CDH13: variants seen among roughly 807,000 people sequenced by gnomAD.
The protein encoded by CDH13 is cadherin-13.
In CDH13, 24 loss-of-function variants were observed where a neutral mutation model predicts 63.8. That is an observed-to-expected ratio of 0.38 (90% CI 0.27 to 0.53). CDH13 has a LOEUF of 0.53. Among genes scored for constraint, CDH13 ranks in the 20% least tolerant of loss-of-function variants. The pLI, the probability that CDH13 is intolerant of heterozygous loss-of-function variation, is 0.85. For missense variants in CDH13, 1,049 were observed against 903.1 expected (o/e 1.16, Z -2.07); for synonymous variants, 503 against 355.3 (o/e 1.42, Z -4.67).
At chr16:83,205,666 G>A (rs1012005643) in intron 4 of CDH13, among the ~76,000 whole-genome samples, 80 of 148,442 alleles carry the variant, frequency 5.4e-4, no homozygotes, top group Non-Finnish European at 1.1e-3. Context: ...GTGCAGTGAC[G>A]TGATCTTGGC....
In CDH13 at chr16:83,797,151, GAACA is replaced by G. The variant is rs1474807001; in HGVS notation, c.*2128_*2131del. 4 of 152,248 alleles carry G rather than the reference GAACA, an allele frequency of 2.6e-5. No individual in the cohort carries two copies. Among genetic ancestry groups the G allele is most frequent in the East Asian group, 3.9e-4 (2 of 5,194 alleles). 9.4% of individuals were successfully genotyped at this position (152,248 alleles called of 1,614,324 possible). A position where few individuals can be genotyped will look rare whatever the true frequency, so the allele number is the denominator to read the frequency against. ...AGGCAGGGGGAGAACGTTCATCCTT[GAACA>G]AACAAAGAGCATCCTCAGCCAGTCA... On this transcript the variant is annotated 3_prime_UTR_variant, in exon 14 of 14. Transcript: ENST00000567109.
intron 1 of CDH13, among the ~76,000 whole-genome samples, chr16:82,701,320 C>G (rs80013758): frequency 6.6e-6 from 1 of 152,204 alleles, no homozygotes; most frequent in East Asian, 1.9e-4. Context: ...ATCTCTTTTT[C>G]CATCCAACTT....
intron 4 of CDH13, among the ~76,000 whole-genome samples, chr16:83,207,514 T>A (rs1167908663): frequency 6.6e-6 from 1 of 152,236 alleles, no homozygotes; most frequent in African/African-American, 2.4e-5. Context: ...TACACTTTTT[T>A]AAATCCATTC....
At chr16:83,680,577 C>T (rs1432878971) in intron 10 of CDH13, among the ~76,000 whole-genome samples, 1 of 152,110 alleles carries the variant, frequency 6.6e-6, no homozygotes. Context: ...TATTAAACAG[C>T]ACAGGCAGAT....
intron 2 of CDH13, among the ~76,000 whole-genome samples, chr16:82,873,521 C>T (rs894564838): frequency 2.6e-5 from 4 of 152,180 alleles, no homozygotes; most frequent in Non-Finnish European, 5.9e-5. Flanking sequence ...GGTGTGGGCT[C>T]CTAGGTTATA....
chr16:82,796,425 T>C (rs1017686569), intron 1 of CDH13, among the ~76,000 whole-genome samples: 1 of 152,220 alleles, frequency 6.6e-6, no homozygotes, highest in Admixed American at 6.5e-5. Flanking sequence ...AACTACCAGA[T>C]ACTGAATTCC....
intron 10 of CDH13, among the ~76,000 whole-genome samples, chr16:83,681,865 C>A (rs1225779573): frequency 6.7e-6 from 1 of 149,622 alleles, no homozygotes. Flanking sequence ...CAGACAGATG[C>A]AACGGCCTTC....
intron 7 of CDH13, among the ~76,000 whole-genome samples, chr16:83,516,496 A>G (rs1567729476): frequency 6.6e-6 from 1 of 152,240 alleles, no homozygotes; most frequent in Non-Finnish European, 1.5e-5. Context: ...TGTTACAGAA[A>G]GCAATTTGTG....
At chr16:83,703,469 C>T (rs1459322770) in intron 10 of CDH13, among the ~76,000 whole-genome samples, 27 of 152,158 alleles carry the variant, frequency 1.8e-4, no homozygotes, top group Admixed American at 1.8e-3. Context: ...TTTTTGAAGC[C>T]AGGAGAAATT....
intron 2 of CDH13, among the ~76,000 whole-genome samples, chr16:82,880,701 C>G (rs1451941691): frequency 6.6e-6 from 1 of 152,132 alleles, no homozygotes; most frequent in Non-Finnish European, 1.5e-5. Context: ...TAAATTAATA[C>G]CCTTTCTATT....
intron 5 of CDH13, among the ~76,000 whole-genome samples, chr16:83,336,696 A>G (rs926004843): frequency 6.6e-6 from 1 of 152,230 alleles, no homozygotes; most frequent in African/African-American, 2.4e-5. Context: ...TTTTGCCCAA[A>G]GAAGAATCAT....
intron 4 of CDH13, among the ~76,000 whole-genome samples, chr16:83,174,576 C>T (rs565095374): frequency 6.6e-6 from 1 of 151,994 alleles, no homozygotes; most frequent in Non-Finnish European, 1.5e-5. Context: ...CCTGCACTGT[C>T]CAGTTAGGTA....
chr16:83,087,992 C>G lies in CDH13; in HGVS notation c.367-37393C>G, dbSNP rs116266696. 4.3e-3 allele frequency among the ~76,000 whole-genome samples: 655 copies of G among 152,282 alleles called. 3 individuals are homozygous for G. Among genetic ancestry groups the G allele is most frequent in the African/African-American group, 0.015 (631 of 41,548 alleles). ...GGGACTGCCTCCGTCAGTGTGCAGC[C>G]TTCAGCGGCTACATTTGGAAATGGT... On this transcript the variant is annotated intron_variant, in intron 3 of 13. Coordinates refer to ENST00000567109, the MANE Select transcript of CDH13 (RefSeq NM_001257.5).
intron 7 of CDH13, among the ~76,000 whole-genome samples, chr16:83,514,251 C>A (rs893422388): frequency 1.1e-4 from 16 of 152,312 alleles, no homozygotes; most frequent in Admixed American, 8.5e-4. Context: ...CATGTCTACC[C>A]AGAACCTCAG....
chr16:83,300,066 T>A (rs1189300152), intron 5 of CDH13, among the ~76,000 whole-genome samples: 2 of 152,226 alleles, frequency 1.3e-5, no homozygotes, highest in African/African-American at 4.8e-5. Context: ...TTCTGTTCAT[T>A]AGATGCAAGT....
chr16:83,716,306 C>A (rs1457891148), intron 10 of CDH13, among the ~76,000 whole-genome samples: 2 of 152,082 alleles, frequency 1.3e-5, no homozygotes, highest in African/African-American at 4.8e-5. Flanking sequence ...AATTAGGGTT[C>A]CCTTTTGGTG....
chr16:83,494,695 C>T (rs1318382698), intron 7 of CDH13, among the ~76,000 whole-genome samples: 2 of 152,192 alleles, frequency 1.3e-5, no homozygotes, highest in African/African-American at 4.8e-5. Flanking sequence ...GAGAGGCAAT[C>T]AAAAGCTGCA....
chr16:83,019,401 A>G lies in CDH13; in HGVS notation c.158-12609A>G, dbSNP rs4353469. 1.9e-3 allele frequency among the ~76,000 whole-genome samples: 290 copies of G among 152,104 alleles called. 1 individual carries two copies. The highest frequency in any genetic ancestry group is 0.017 in the Middle Eastern group (5 of 292). Reference sequence around the variant, plus strand: ...TCTCACTGAAAGGTCTTTAGGGGTTATAACACGCATGGAGCCATCTCCTAT... The same window carrying G: ...TCTCACTGAAAGGTCTTTAGGGGTTGTAACACGCATGGAGCCATCTCCTAT... On this transcript the variant is annotated intron_variant, in intron 2 of 13. Transcript: ENST00000567109.
At chr16:82,771,953 G>C (rs547531778) in intron 1 of CDH13, among the ~76,000 whole-genome samples, 5 of 152,218 alleles carry the variant, frequency 3.3e-5, no homozygotes, top group Non-Finnish European at 4.4e-5. Flanking sequence ...CAAGTCCTTG[G>C]TTAAAGGCTG....
Sources: gnomAD v4.1 joint callset for allele counts (sites outside exome capture counted in the v4.1 genomes callset) on GRCh38, gnomAD v4.1.1 for gene constraint, MANE v1.5 for transcripts, NCBI Gene and HGNC (gene_info 2026-07-23, HGNC 2026-07-21) for gene names.